MAP2K1: variants seen among roughly 807,000 people sequenced by gnomAD.
MAP2K1 encodes mitogen-activated protein kinase kinase 1, also known as dual specificity mitogen-activated protein kinase kinase 1.
In MAP2K1, 16 loss-of-function variants were observed where a neutral mutation model predicts 46.3. The ratio of observed to expected loss-of-function variants is 0.35; its 90% CI spans 0.23 to 0.52. MAP2K1 has a LOEUF of 0.52. Ranked by LOEUF, MAP2K1 falls within the 20% of genes least tolerant of loss-of-function variation. The pLI is 0.94. For missense variants in MAP2K1, 263 were observed against 497.1 expected, an observed-to-expected ratio of 0.53 and a Z score of 4.48; for synonymous variants, 183 against 185.6, an observed-to-expected ratio of 0.99 and a Z score of 0.11.
chr15:66,486,722 A>G (rs1444037117), intron 7 of MAP2K1, among the ~76,000 whole-genome samples: 2 of 152,132 alleles, frequency 1.3e-5, no homozygotes, highest in Non-Finnish European at 2.9e-5. Context: ...TACCTCCATG[A>G]GGTCCACATG....
At chr15:66,482,756 A>G (rs867137486) in intron 6 of MAP2K1, among the ~76,000 whole-genome samples, 3 of 152,296 alleles carry the variant, frequency 2.0e-5, no homozygotes, top group South Asian at 2.1e-4. Flanking sequence ...GTGGGAGGGT[A>G]CATGGATAAA....
At chr15:66,416,722 C>A in intron 1 of MAP2K1, among the ~76,000 whole-genome samples, 1 of 152,132 alleles carries the variant, frequency 6.6e-6, no homozygotes, top group East Asian at 1.9e-4. Flanking sequence ...ACAGTGAGAA[C>A]AAAGTATACA....
intron 5 of MAP2K1, among the ~76,000 whole-genome samples, chr15:66,470,164 ACTTTC>A (rs1170207394): frequency 2.4e-5 from 3 of 125,984 alleles, no homozygotes; most frequent in Non-Finnish European, 4.7e-5. Context: ...ATAATTTGGA[ACTTTC>A]CTTCAAATTT....
intron 5 of MAP2K1, among the ~76,000 whole-genome samples, chr15:66,467,569 CT>C (rs955098948): frequency 3.5e-4 from 52 of 149,674 alleles, no homozygotes; most frequent in African/African-American, 1.1e-3. Context: ...AAGCAAAGAT[CT>C]TTTTTTTTTA....
intron 5 of MAP2K1, among the ~76,000 whole-genome samples, chr15:66,473,169 T>G (rs759385718): frequency 2.6e-5 from 4 of 152,202 alleles, no homozygotes; most frequent in Non-Finnish European, 5.9e-5. Flanking sequence ...GGGGGAAATA[T>G]GCTGTTTTAA....
At chr15:66,390,827 A>G (rs2093354652) in intron 1 of MAP2K1, among the ~76,000 whole-genome samples, 3 of 150,714 alleles carry the variant, frequency 2.0e-5, no homozygotes, top group Admixed American at 6.6e-5. Context: ...ATTTCCTGCC[A>G]CTCCTTTCTT....
chr15:66,419,111 C>T (rs1204111422), intron 1 of MAP2K1, among the ~76,000 whole-genome samples: 6 of 151,490 alleles, frequency 4.0e-5, no homozygotes, highest in South Asian at 2.1e-4. Context: ...GGATTACAGG[C>T]GTGCACCACC....
At chr15:66,473,481 C>T (rs942481800) in intron 5 of MAP2K1, among the ~76,000 whole-genome samples, 5 of 151,748 alleles carry the variant, frequency 3.3e-5, no homozygotes, top group East Asian at 1.9e-4. Flanking sequence ...CCTAGGAGGT[C>T]GAGGCTGCAG....
At chr15:66,448,770 G>A (rs1274610531) in intron 5 of MAP2K1, among the ~76,000 whole-genome samples, 1 of 152,102 alleles carries the variant, frequency 6.6e-6, no homozygotes, top group African/African-American at 2.4e-5. Flanking sequence ...TGGGGAGGCC[G>A]AGGTGGGTGA....
intron 5 of MAP2K1, among the ~76,000 whole-genome samples, chr15:66,477,006 G>A (rs1286019571): frequency 6.6e-6 from 1 of 152,172 alleles, no homozygotes; most frequent in Non-Finnish European, 1.5e-5. Flanking sequence ...GATCTCATGT[G>A]CCCAGGTTTC....
intron 3 of MAP2K1, among the ~76,000 whole-genome samples, chr15:66,441,751 A>T (rs2093504284): frequency 2.7e-5 from 4 of 147,588 alleles, no homozygotes; most frequent in Admixed American, 1.3e-4. Flanking sequence ...TTAAAAAAAG[A>T]CAAAAAAAAA....
At chr15:66,417,995 A>G (rs1176352238) in intron 1 of MAP2K1, among the ~76,000 whole-genome samples, 4 of 152,180 alleles carry the variant, frequency 2.6e-5, no homozygotes, top group African/African-American at 7.2e-5. Context: ...GGCATCTTCA[A>G]CAAAGAATTG....
At position 66,435,226 on chromosome 15, in the gene MAP2K1, A is replaced by G. The variant is rs368143400; in HGVS notation, c.280A>G (p.Met94Val). The G allele has an allele frequency of 3.1e-6, 5 of 1,613,402 alleles. No homozygotes were observed. Among genetic ancestry groups the G allele is most frequent in the Non-Finnish European group, 3.4e-6 (4 of 1,179,454 alleles). The change falls in exon 2 of 11, where the codon ATG becomes GTG. Residue 94 changes from methionine to valine, a missense_variant. By Grantham distance (21) the Met-to-Val change is conservative. Around this residue, in one of 4 missense-constraint regions of MAP2K1, gnomAD observed 103 missense variants for 221.6 expected, o/e 0.46. Transcript: ENST00000307102. ...KVSHKPSGLV[M>V]ARKLIHLEIK... is the part of the protein sequence containing the mutation. ...CTCCCACAAGCCTTCTGGCCTGGTC[A>G]TGGCCAGAAAGGTGAGTTTGCCTTG...
intron 1 of MAP2K1, among the ~76,000 whole-genome samples, chr15:66,425,005 AGGCTGTTCT>A (rs2140562138): frequency 6.6e-6 from 1 of 152,062 alleles, no homozygotes; most frequent in South Asian, 2.1e-4. Flanking sequence ...CATGTTCGTC[AGGCTGTTCT>A]CAAACTCCCA....
intron 5 of MAP2K1, among the ~76,000 whole-genome samples, chr15:66,455,367 A>G (rs909153862): frequency 6.6e-6 from 1 of 152,262 alleles, no homozygotes; most frequent in African/African-American, 2.4e-5. Flanking sequence ...GGATTCTTCA[A>G]ATAGAAGTTT....
Position 66,485,896 on chromosome 15 carries a change from T to G in MAP2K1, c.895+705T>G, listed in dbSNP as rs184191115. 2.4e-4 allele frequency among the ~76,000 whole-genome samples: 36 copies of G among 152,082 alleles called. No homozygotes were observed. In the East Asian group the frequency reaches 5.8e-3, roughly 25 times the overall value. On this transcript the variant is annotated intron_variant, in intron 7 of 10. Transcript: ENST00000307102. ...TGACTGGCTTCTAATTTGTGGGTTT[T>G]TTTTGTTTTGTTTTGTTTTTGATAC... is the stretch of plus-strand genomic sequence containing the variant.
At chr15:66,480,428 CCTGTTTGAAT>C (rs1046363235) in intron 5 of MAP2K1, among the ~76,000 whole-genome samples, 5 of 152,006 alleles carry the variant, frequency 3.3e-5, no homozygotes, top group African/African-American at 1.2e-4. Flanking sequence ...CTTAAATAGA[CCTGTTTGAAT>C]CTGTTTAAGA....
intron 1 of MAP2K1, among the ~76,000 whole-genome samples, chr15:66,388,747 C>T (rs544350113): frequency 2.0e-5 from 3 of 151,956 alleles, no homozygotes; most frequent in South Asian, 2.1e-4. Context: ...ATCACAAGGT[C>T]GATGGTGGAC....
At chr15:66,446,440 C>CAA (rs56036349) in intron 5 of MAP2K1, 13 of 124,260 alleles carry the variant, frequency 1.0e-4, no homozygotes, top group South Asian at 6.3e-4. Flanking sequence ...GACTCCGTCT[C>CAA]AAAAAAAAAA....
Sources: gnomAD v4.1 joint callset for allele counts (sites outside exome capture counted in the v4.1 genomes callset) on GRCh38, gnomAD v4.1.1 for gene constraint, gnomAD v4.1.1 regional missense constraint, MANE v1.5 for transcripts, NCBI Gene and HGNC (gene_info 2026-07-23, HGNC 2026-07-21) for gene names.